The following IL23R variants were observed in gnomAD, a reference collection of about 807,000 sequenced individuals.
The protein encoded by IL23R is interleukin 23 receptor.
IL23R carries 34 observed loss-of-function variants against 56.9 expected under a neutral mutation model. The ratio of observed to expected loss-of-function variants is 0.60; its 90% CI spans 0.45 to 0.80. The LOEUF (loss-of-function observed/expected upper bound fraction) is 0.80. IL23R is among the 30% of genes least tolerant of loss of function. The probability of loss-of-function intolerance (pLI) is 0.00; values close to 1 mark genes in which losing one functional copy is unlikely to be tolerated. For synonymous variants in IL23R, 230 were observed against 249.2 expected (o/e 0.92, Z 0.73); for missense variants, 635 against 730.0 (o/e 0.87, Z 1.50).
At chr1:67,243,872 G>A (rs1241116354) in intron 9 of IL23R, among the ~76,000 whole-genome samples, 1 of 152,070 alleles carries the variant, frequency 6.6e-6, no homozygotes, top group Non-Finnish European at 1.5e-5. Context: ...CTAGATCCTT[G>A]AGGAATTGCC....
At chr1:67,198,294 A>T (rs188750370) in intron 4 of IL23R, among the ~76,000 whole-genome samples, 2 of 151,900 alleles carry the variant, frequency 1.3e-5, no homozygotes, top group African/African-American at 4.8e-5. Context: ...ATTCTCCAGC[A>T]CTCCTTTCGC....
At chr1:67,180,675 G>T (rs1647126019) in intron 3 of IL23R, among the ~76,000 whole-genome samples, 1 of 152,134 alleles carries the variant, frequency 6.6e-6, no homozygotes. Flanking sequence ...ATGTTAGCTG[G>T]TTATTTTGCT....
At chr1:67,220,842 A>C (rs186330376) in intron 7 of IL23R, among the ~76,000 whole-genome samples, 2 of 152,222 alleles carry the variant, frequency 1.3e-5, no homozygotes, top group Admixed American at 1.3e-4. Context: ...GGGCTCAAGC[A>C]ATCCTCCTGC....
intron 6 of IL23R, among the ~76,000 whole-genome samples, chr1:67,212,586 C>A (rs1649555908): frequency 6.7e-6 from 1 of 150,154 alleles, no homozygotes; most frequent in Admixed American, 6.6e-5. Context: ...TGCTCTACTG[C>A]CCAGGCTGGA....
intron 4 of IL23R, among the ~76,000 whole-genome samples, chr1:67,186,432 T>C (rs1403660591): frequency 6.6e-6 from 1 of 152,090 alleles, no homozygotes; most frequent in Non-Finnish European, 1.5e-5. Context: ...CTACAATCAA[T>C]ATTGAACATT....
intron 3 of IL23R, among the ~76,000 whole-genome samples, chr1:67,181,892 G>A (rs1381034449): frequency 6.6e-6 from 1 of 152,200 alleles, no homozygotes; most frequent in Non-Finnish European, 1.5e-5. Context: ...GTTTGCTGGA[G>A]GTCCATTCCA....
At chr1:67,227,337 T>G (rs567500517) in intron 7 of IL23R, among the ~76,000 whole-genome samples, 3 of 152,280 alleles carry the variant, frequency 2.0e-5, no homozygotes, top group African/African-American at 7.2e-5. Flanking sequence ...GGTTAAAGGC[T>G]TAAGGGAAGG....
At chr1:67,161,483 A>T (rs1189686018), upstream of IL23R, among the ~76,000 whole-genome samples, 2 of 152,054 alleles carry the variant, frequency 1.3e-5, no homozygotes, top group Non-Finnish European at 2.9e-5. Flanking sequence ...TTTTTTCTAC[A>T]TATAGTTTTT....
At chr1:67,200,467 A>T (rs1648540915) in intron 4 of IL23R, among the ~76,000 whole-genome samples, 1 of 149,452 alleles carries the variant, frequency 6.7e-6, no homozygotes, top group Admixed American at 6.7e-5. Context: ...ACCTTGGCTC[A>T]CTGCAGGCTC....
At chr1:67,238,702 C>T (rs1044074226) in intron 8 of IL23R, among the ~76,000 whole-genome samples, 11 of 152,286 alleles carry the variant, frequency 7.2e-5, no homozygotes, top group African/African-American at 2.2e-4. Context: ...TGCTTAGACC[C>T]CTTTGCCGAG....
chr1:67,263,321 A>G (rs1043764436), downstream of IL23R, among the ~76,000 whole-genome samples: 13 of 151,964 alleles, frequency 8.6e-5, no homozygotes, highest in African/African-American at 3.1e-4. Context: ...CCTGGGCTCA[A>G]GCAATCCTTC....
intron 1 of IL23R, among the ~76,000 whole-genome samples, chr1:67,167,384 T>A (rs11465765): frequency 0.019 from 2,914 of 152,322 alleles, 86 homozygotes; most frequent in African/African-American, 0.066. Flanking sequence ...TGAAACGCTT[T>A]TTAGAGTCTC....
intron 7 of IL23R, among the ~76,000 whole-genome samples, chr1:67,226,812 G>C (rs957285972): frequency 6.6e-6 from 1 of 152,184 alleles, no homozygotes; most frequent in Non-Finnish European, 1.5e-5. Flanking sequence ...AAAAGGGTGG[G>C]CATGTGAGAA....
intron 1 of IL23R, among the ~76,000 whole-genome samples, chr1:67,139,920 T>C (rs1456781398): frequency 6.6e-6 from 1 of 152,054 alleles, no homozygotes; most frequent in Non-Finnish European, 1.5e-5. Context: ...GTTAACAGAT[T>C]AATGGATTAT....
chr1:67,148,643 T>G (rs887857472), intron 1 of IL23R, among the ~76,000 whole-genome samples: 1 of 152,226 alleles, frequency 6.6e-6, no homozygotes, highest in African/African-American at 2.4e-5. Flanking sequence ...TTCTGAGAAT[T>G]ATTTCTCACA....
chr1:67,238,568 C>T (rs962101561), intron 8 of IL23R, among the ~76,000 whole-genome samples: 5 of 151,994 alleles, frequency 3.3e-5, no homozygotes, highest in Non-Finnish European at 5.9e-5. Context: ...CTCTATTTTC[C>T]AAAAGAGAAA....
At chr1:67,246,011 A>G (rs925702205) in intron 9 of IL23R, among the ~76,000 whole-genome samples, 3 of 152,016 alleles carry the variant, frequency 2.0e-5, no homozygotes, top group Non-Finnish European at 4.4e-5. Context: ...CTATTCAGGG[A>G]TTTCACTTCT....
intron 4 of IL23R, among the ~76,000 whole-genome samples, chr1:67,192,759 G>C (rs781572784): frequency 1.4e-4 from 22 of 151,918 alleles, no homozygotes. Flanking sequence ...AAAACCTTCC[G>C]GCTCTATCTT....
chr1:67,225,506 A>G (rs956163176), intron 7 of IL23R, among the ~76,000 whole-genome samples: 1 of 149,102 alleles, frequency 6.7e-6, no homozygotes, highest in African/African-American at 2.5e-5. Context: ...CTACATTAAG[A>G]ATGCTTGGGC....
Sources: gnomAD v4.1 joint callset for allele counts (sites outside exome capture counted in the v4.1 genomes callset) on GRCh38, gnomAD v4.1.1 for gene constraint, MANE v1.5 for transcripts, NCBI Gene and HGNC (gene_info 2026-07-23, HGNC 2026-07-21) for gene names.